CNTNAP5: variants seen among roughly 807,000 people sequenced by gnomAD.
The protein encoded by CNTNAP5 is contactin associated protein family member 5.
In CNTNAP5, 72 loss-of-function variants were observed where a neutral mutation model predicts 150.2. The ratio of observed to expected loss-of-function variants is 0.48; its 90% CI spans 0.40 to 0.58. The LOEUF (loss-of-function observed/expected upper bound fraction) is 0.58. Ranked by LOEUF, CNTNAP5 falls within the 20% of genes least tolerant of loss-of-function variation. The pLI, the probability that CNTNAP5 is intolerant of heterozygous loss-of-function variation, is 0.00. For missense variants in CNTNAP5, 1,636 were observed against 1,626.2 expected, an observed-to-expected ratio of 1.01 and a Z score of -0.10; for synonymous variants, 672 against 619.8, an observed-to-expected ratio of 1.08 and a Z score of -1.25.
chr2:124,067,144 T>C (rs1682180952), intron 1 of CNTNAP5, among the ~76,000 whole-genome samples: 1 of 152,212 alleles, frequency 6.6e-6, no homozygotes, highest in Non-Finnish European at 1.5e-5. Context: ...AACAAAAAGA[T>C]ACTTGGGTGA....
chr2:124,676,693 A>C (rs1405337480), intron 13 of CNTNAP5, among the ~76,000 whole-genome samples: 1 of 152,082 alleles, frequency 6.6e-6, no homozygotes, highest in Non-Finnish European at 1.5e-5. Flanking sequence ...TGTACTTGTG[A>C]GGGTGTTGGT....
At chr2:124,585,649 G>A (rs1343374358) in intron 11 of CNTNAP5, among the ~76,000 whole-genome samples, 2 of 143,624 alleles carry the variant, frequency 1.4e-5, no homozygotes, top group African/African-American at 2.5e-5. Context: ...TAGGGACAGT[G>A]AGTCAGGGAG....
intron 1 of CNTNAP5, among the ~76,000 whole-genome samples, chr2:124,060,305 T>C (rs1346177971): frequency 6.6e-6 from 1 of 152,188 alleles, no homozygotes; most frequent in Non-Finnish European, 1.5e-5. Context: ...GTGAGTTTGT[T>C]TTACTGCACA....
intron 21 of CNTNAP5, among the ~76,000 whole-genome samples, chr2:124,875,368 A>G (rs1227249819): frequency 6.6e-6 from 1 of 152,050 alleles, no homozygotes; most frequent in South Asian, 2.1e-4. Flanking sequence ...CCTTCTTATG[A>G]TTCAAATCTG....
chr2:124,361,043 C>G (rs200498312), intron 3 of CNTNAP5, among the ~76,000 whole-genome samples: 6,239 of 123,746 alleles, frequency 0.05, 320 homozygotes, highest in East Asian at 0.19. Context: ...TCCCTTCTCG[C>G]TTCATTTCAT....
chr2:124,264,395 C>CACAT (rs1330604835), intron 3 of CNTNAP5, among the ~76,000 whole-genome samples: 28 of 90,478 alleles, frequency 3.1e-4, no homozygotes, highest in African/African-American at 9.0e-4. Context: ...CACATACACA[C>CACAT]ACACACACAC....
chr2:124,831,077 T>C (rs1411153651), intron 19 of CNTNAP5, among the ~76,000 whole-genome samples: 6 of 152,072 alleles, frequency 3.9e-5, no homozygotes, highest in Admixed American at 3.9e-4. Context: ...TGTTTTAATA[T>C]ATTTTAATAT....
intron 13 of CNTNAP5, among the ~76,000 whole-genome samples, chr2:124,694,393 G>A (rs771579001): frequency 1.3e-5 from 2 of 152,158 alleles, no homozygotes; most frequent in African/African-American, 2.4e-5. Flanking sequence ...TATGCTGCTC[G>A]CCTGCATAGA....
chr2:124,550,589 T>A (rs1695606666), intron 10 of CNTNAP5, among the ~76,000 whole-genome samples: 1 of 152,046 alleles, frequency 6.6e-6, no homozygotes, highest in African/African-American at 2.4e-5. Flanking sequence ...AGCCTGTGAG[T>A]GCAGGGAACA....
intron 13 of CNTNAP5, among the ~76,000 whole-genome samples, chr2:124,709,333 A>G (rs1679759289): frequency 6.6e-6 from 1 of 152,126 alleles, no homozygotes; most frequent in Non-Finnish European, 1.5e-5. Flanking sequence ...CATTATTTCT[A>G]CAAAGACCCA....
chr2:124,711,250 G>A (rs1330002611), intron 13 of CNTNAP5, among the ~76,000 whole-genome samples: 1 of 151,838 alleles, frequency 6.6e-6, no homozygotes, highest in Non-Finnish European at 1.5e-5. Context: ...CAGGCTGGGC[G>A]ATAGAGTGAG....
At chr2:124,547,141 G>A (rs111957190) in intron 10 of CNTNAP5, among the ~76,000 whole-genome samples, 2,382 of 152,050 alleles carry the variant, frequency 0.016, 53 homozygotes, top group African/African-American at 0.054. Flanking sequence ...CTCAATGCTA[G>A]CAATGGTGGC....
chr2:124,844,784 G>T (rs1168651250), intron 19 of CNTNAP5, among the ~76,000 whole-genome samples: 2 of 152,046 alleles, frequency 1.3e-5, no homozygotes, highest in Non-Finnish European at 2.9e-5. Context: ...TTGGTCTACA[G>T]CAGAGTAGCA....
chr2:124,503,261 A>G (rs1354362275), intron 7 of CNTNAP5, among the ~76,000 whole-genome samples: 1 of 152,234 alleles, frequency 6.6e-6, no homozygotes, highest in African/African-American at 2.4e-5. Context: ...TTTCAAGAAT[A>G]CAAGACTGTC....
chr2:124,084,597 A>C (rs1432798130), intron 1 of CNTNAP5, among the ~76,000 whole-genome samples: 1 of 152,004 alleles, frequency 6.6e-6, no homozygotes, highest in African/African-American at 2.4e-5. Context: ...TGCATTGGCT[A>C]TACATACATG....
chr2:124,386,390 A>T (rs1690927233), intron 3 of CNTNAP5, among the ~76,000 whole-genome samples: 1 of 152,160 alleles, frequency 6.6e-6, no homozygotes, highest in African/African-American at 2.4e-5. Flanking sequence ...TCTAGTTCTC[A>T]CCCTTGGCCA....
At chr2:124,085,294 C>T (rs6760870) in intron 1 of CNTNAP5, among the ~76,000 whole-genome samples, 147,532 of 152,224 alleles carry the variant, frequency 0.97, 71,659 homozygotes, top group East Asian at 1. Flanking sequence ...TTTTGTATTT[C>T]TTTAAAGACT....
intron 1 of CNTNAP5, among the ~76,000 whole-genome samples, chr2:124,194,014 C>T (rs545753441): frequency 3.9e-5 from 6 of 152,196 alleles, no homozygotes; most frequent in African/African-American, 1.4e-4. Flanking sequence ...TCAACCTTAG[C>T]TTGCATCTTT....
intron 13 of CNTNAP5, among the ~76,000 whole-genome samples, chr2:124,716,052 C>G (rs958883208): frequency 4.6e-5 from 7 of 152,060 alleles, no homozygotes; most frequent in African/African-American, 1.4e-4. Context: ...CCAGGTGCAC[C>G]TTGATTAAGT....
Sources: allele counts gnomAD v4.1 joint callset (sites outside exome capture counted in the v4.1 genomes callset), GRCh38; gene constraint gnomAD v4.1.1; transcripts MANE v1.5; gene names NCBI Gene and HGNC (gene_info 2026-07-23, HGNC 2026-07-21).